CDH4: variants seen among roughly 807,000 people sequenced by gnomAD.
The protein encoded by CDH4 is cadherin-4.
In CDH4, 33 loss-of-function variants were observed where a neutral mutation model predicts 86.0. The observed-to-expected ratio is 0.38, with a 90% CI of 0.29 to 0.51. CDH4 has a LOEUF of 0.51. CDH4 is among the 20% of genes least tolerant of loss of function. CDH4 has a pLI of 0.86. For synonymous variants in CDH4, 555 were observed against 549.4 expected, an observed-to-expected ratio of 1.01 and a Z score of -0.14; for missense variants, 1,114 against 1,307.4, an observed-to-expected ratio of 0.85 and a Z score of 2.28.
chr20:61,531,597 C>T (rs2085954563), intron 2 of CDH4, among the ~76,000 whole-genome samples: 1 of 151,566 alleles, frequency 6.6e-6, no homozygotes, highest in Non-Finnish European at 1.5e-5. Flanking sequence ...TTGTAAAAAG[C>T]TTTGCTAAGT....
intron 4 of CDH4, among the ~76,000 whole-genome samples, chr20:61,825,602 A>G (rs1457598129): frequency 6.6e-6 from 1 of 152,168 alleles, no homozygotes; most frequent in Non-Finnish European, 1.5e-5. Flanking sequence ...TCTCTGATTT[A>G]CCAGAGGGGA....
At chr20:61,320,955 C>G (rs1337445844) in intron 2 of CDH4, among the ~76,000 whole-genome samples, 4 of 152,074 alleles carry the variant, frequency 2.6e-5, no homozygotes, top group African/African-American at 9.7e-5. Flanking sequence ...CTTCCTGCCC[C>G]TGCTGTGGGG....
At chr20:61,666,736 G>A (rs986851800) in intron 2 of CDH4, among the ~76,000 whole-genome samples, 23 of 152,194 alleles carry the variant, frequency 1.5e-4, no homozygotes, top group African/African-American at 5.3e-4. Context: ...CACAGCTCCT[G>A]GCTGACCAGA....
intron 2 of CDH4, among the ~76,000 whole-genome samples, chr20:61,266,919 A>C (rs1401322326): frequency 1.3e-5 from 2 of 152,178 alleles, no homozygotes; most frequent in Non-Finnish European, 2.9e-5. Context: ...ATCATCCTGG[A>C]TTACCTGGGT....
At chr20:61,640,963 C>A (rs1208440405) in intron 2 of CDH4, among the ~76,000 whole-genome samples, 1 of 152,178 alleles carries the variant, frequency 6.6e-6, no homozygotes, top group Non-Finnish European at 1.5e-5. Flanking sequence ...GTGGGAACGC[C>A]CAGCCTGCAT....
chr20:61,729,467 T>C (rs775233920), intron 2 of CDH4, among the ~76,000 whole-genome samples: 1 of 152,216 alleles, frequency 6.6e-6, no homozygotes, highest in East Asian at 1.9e-4. Flanking sequence ...TGTTAATTAG[T>C]GCCAGAACCT....
At chr20:61,808,747 C>T (rs1367146873) in intron 4 of CDH4, among the ~76,000 whole-genome samples, 1 of 152,262 alleles carries the variant, frequency 6.6e-6, no homozygotes, top group African/African-American at 2.4e-5. Flanking sequence ...ATTGTCCAGT[C>T]CAGGCGCTGG....
intron 7 of CDH4, among the ~76,000 whole-genome samples, chr20:61,878,180 A>G (rs1262150104): frequency 1.3e-5 from 2 of 152,164 alleles, no homozygotes; most frequent in Non-Finnish European, 2.9e-5. Context: ...CAAGACCTTC[A>G]TGGGCAGCAC....
chr20:61,522,452 A>G (rs1172910275), intron 2 of CDH4, among the ~76,000 whole-genome samples: 2 of 152,268 alleles, frequency 1.3e-5, no homozygotes, highest in East Asian at 1.9e-4. Context: ...TGTCGCATCC[A>G]TTAACGTTTA....
intron 6 of CDH4, 131 bp from the exon 7 acceptor site, chr20:61,873,597 C>G: frequency 1.1e-6 from 1 of 917,156 alleles, no homozygotes; most frequent in Non-Finnish European, 1.7e-6. Context: ...CTGAACACGC[C>G]GAGAGGAAGG....
intron 2 of CDH4, among the ~76,000 whole-genome samples, chr20:61,587,140 G>A (rs1031315433): frequency 2.0e-5 from 3 of 152,190 alleles, no homozygotes; most frequent in South Asian, 2.1e-4. Context: ...AAGAAAGGCC[G>A]AGAATCCAAG....
chr20:61,317,577 G>A (rs892351353), intron 2 of CDH4, among the ~76,000 whole-genome samples: 3 of 152,132 alleles, frequency 2.0e-5, no homozygotes, highest in African/African-American at 7.2e-5. Context: ...CAGGCATGGG[G>A]GGCTGGATGA....
chr20:61,614,797 C>T (rs1005714289), intron 2 of CDH4, among the ~76,000 whole-genome samples: 9 of 152,214 alleles, frequency 5.9e-5, no homozygotes, highest in East Asian at 5.8e-4. Flanking sequence ...AATGGGGGCC[C>T]GCTCTTCAGG....
At position 61,275,659 on chromosome 20, in the gene CDH4, C is replaced by T. The variant is rs565041036; in HGVS notation, c.169+20722C>T. Among the ~76,000 whole-genome samples, 7 of 52,724 alleles carry T rather than the reference C, an allele frequency of 1.3e-4. No individual in the cohort carries two copies. The East Asian group carries it at 3.0e-3, about 23-fold the overall frequency. 34.6% of individuals were successfully genotyped at this position (52,724 alleles called of 152,430 possible). A position where few individuals can be genotyped will look rare whatever the true frequency, so the allele number is the denominator to read the frequency against. The stretch of plus-strand genomic sequence containing the variant: ...ATGCGCAGTTTGGGAGAGTACCATG[C>T]GCAGTTTGGGGGGAGTACCGTGTGC... On this transcript the variant is annotated intron_variant, in intron 2 of 15. Coordinates refer to ENST00000614565, the MANE Select transcript of CDH4 (RefSeq NM_001794.5).
At chr20:61,453,141 A>G (rs1386600702) in intron 2 of CDH4, among the ~76,000 whole-genome samples, 2 of 152,224 alleles carry the variant, frequency 1.3e-5, no homozygotes, top group African/African-American at 2.4e-5. Flanking sequence ...AAAAAAGCCA[A>G]TGAAAGAGTG....
intron 6 of CDH4, among the ~76,000 whole-genome samples, chr20:61,870,843 G>A (rs551844399): frequency 4.6e-5 from 7 of 152,284 alleles, no homozygotes; most frequent in Admixed American, 3.3e-4. Flanking sequence ...AAGGCTGAAC[G>A]TTAGTAACAC....
At chr20:61,890,191 G>GATA (rs1555853763) in intron 7 of CDH4, among the ~76,000 whole-genome samples, 122,554 of 144,968 alleles carry the variant, frequency 0.85, 52,067 homozygotes, top group Non-Finnish European at 0.92. Context: ...TGGATGGATA[G>GATA]ATGATGGATG....
intron 2 of CDH4, among the ~76,000 whole-genome samples, chr20:61,266,908 G>C (rs879572020): frequency 8.5e-5 from 13 of 152,172 alleles, no homozygotes; most frequent in Non-Finnish European, 1.6e-4. Flanking sequence ...CTCTAGATGA[G>C]ATCATCCTGG....
intron 2 of CDH4, among the ~76,000 whole-genome samples, chr20:61,279,141 G>A (rs936446517): frequency 1.3e-5 from 2 of 152,184 alleles, no homozygotes; most frequent in African/African-American, 2.4e-5. Flanking sequence ...TAAAGTCTCC[G>A]TCACAGCCTT....
Sources: gnomAD v4.1 joint callset for allele counts (sites outside exome capture counted in the v4.1 genomes callset) on GRCh38, gnomAD v4.1.1 for gene constraint, MANE v1.5 for transcripts, NCBI Gene and HGNC (gene_info 2026-07-23, HGNC 2026-07-21) for gene names.